MAN2A1: variants seen among roughly 807,000 people sequenced by gnomAD.
The protein encoded by MAN2A1 is alpha-mannosidase 2.
MAN2A1 carries 76 observed loss-of-function variants against 142.6 expected under a neutral mutation model. The observed-to-expected ratio is 0.53, with a 90% CI of 0.44 to 0.65. The LOEUF is 0.65. MAN2A1 is among the 30% of genes least tolerant of loss of function. The probability of loss-of-function intolerance (pLI) is 0.00; values close to 1 mark genes in which losing one functional copy is unlikely to be tolerated. For missense variants in MAN2A1, 1,311 were observed against 1,365.1 expected (o/e 0.96, Z 0.62); for synonymous variants, 559 against 473.2 (o/e 1.18, Z -2.35).
At chr5:109,704,210 A>G (rs951390799) in intron 1 of MAN2A1, among the ~76,000 whole-genome samples, 2 of 152,178 alleles carry the variant, frequency 1.3e-5, no homozygotes, top group African/African-American at 4.8e-5. Flanking sequence ...CTTCACAGTC[A>G]TTTGGCACTC....
chr5:109,832,529 T>C (rs916150893), intron 16 of MAN2A1, among the ~76,000 whole-genome samples: 2 of 152,300 alleles, frequency 1.3e-5, no homozygotes, highest in African/African-American at 4.8e-5. Context: ...GGCAGAAGAA[T>C]TTTTCTTAGT....
At chr5:109,741,344 C>G (rs1335661803) in intron 4 of MAN2A1, among the ~76,000 whole-genome samples, 1 of 152,108 alleles carries the variant, frequency 6.6e-6, no homozygotes, top group Admixed American at 6.5e-5. Flanking sequence ...CCCCCACTTA[C>G]TTGAACAAAA....
intron 16 of MAN2A1, among the ~76,000 whole-genome samples, chr5:109,841,009 T>C (rs1188865716): frequency 6.6e-6 from 1 of 152,234 alleles, no homozygotes; most frequent in African/African-American, 2.4e-5. Context: ...TCCTACCTTA[T>C]GCATTTTTCC....
At chr5:109,765,475 C>CT (rs1752965421) in intron 5 of MAN2A1, among the ~76,000 whole-genome samples, 1 of 152,122 alleles carries the variant, frequency 6.6e-6, no homozygotes, top group Non-Finnish European at 1.5e-5. Flanking sequence ...TGTGATGTCT[C>CT]TGTCCTAGTA....
intron 4 of MAN2A1, among the ~76,000 whole-genome samples, chr5:109,753,976 A>G (rs1479216900): frequency 1.3e-5 from 2 of 150,730 alleles, no homozygotes; most frequent in African/African-American, 4.9e-5. Flanking sequence ...TGGCGTAATC[A>G]TAGCTCACTG....
At chr5:109,712,571 T>C (rs1256272155) in intron 1 of MAN2A1, among the ~76,000 whole-genome samples, 1 of 152,170 alleles carries the variant, frequency 6.6e-6, no homozygotes, top group Non-Finnish European at 1.5e-5. Flanking sequence ...TTCCTGGTAA[T>C]GAGTATCCAG....
At position 109,759,960 on chromosome 5, in the gene MAN2A1, T is replaced by TAG. The variant is rs1377567482; in HGVS notation, c.835+4505_835+4506insGA. Among the ~76,000 whole-genome samples, 116 of 35,988 alleles carry TAG rather than the reference T, an allele frequency of 3.2e-3. 1 individual carries two copies. Among genetic ancestry groups the TAG allele is most frequent in the Non-Finnish European group, 4.0e-3 (77 of 19,180 alleles). The allele number at this position is 35,988 out of a possible 152,430, so 23.6% of individuals were successfully genotyped here. ...TTTGAATTGTTGCTATATATATATA[T>TAG]ATATAGATAGATAGATAGATAGATA... is the stretch of plus-strand genomic sequence containing the variant. On this transcript the variant is annotated intron_variant, in intron 5 of 21. Transcript: ENST00000261483.
chr5:109,784,456 T>C (rs1753544597), intron 9 of MAN2A1, among the ~76,000 whole-genome samples: 1 of 152,176 alleles, frequency 6.6e-6, no homozygotes, highest in African/African-American at 2.4e-5. Context: ...TATTCATAAA[T>C]AAGCCTGTCT....
chr5:109,827,373 T>G (rs1754784777), intron 16 of MAN2A1, among the ~76,000 whole-genome samples: 1 of 152,228 alleles, frequency 6.6e-6, no homozygotes, highest in Admixed American at 6.5e-5. Flanking sequence ...GACAAAATAT[T>G]CTTACATTTC....
In MAN2A1 at chr5:109,755,363, G is replaced by T; in HGVS notation, c.742G>T (p.Gly248Cys). The change falls in exon 5 of 22, where the codon GGT becomes TGT. Residue 248 changes from glycine (G) to cysteine (C), a missense_variant. By Grantham distance (159) the Gly-to-Cys change is radical. Around this residue, in one of 3 missense-constraint regions of MAN2A1, gnomAD observed 409 missense variants for 412.7 expected, o/e 0.99. Transcript: ENST00000261483. ...AAATGGTCAGCTTGAAATTGTGACAGGTGGCTGGGTTATGCCTGATGAAGC... is the reference window on the plus strand; with the variant it reads ...AAATGGTCAGCTTGAAATTGTGACATGTGGCTGGGTTATGCCTGATGAAGC... ...IENGQLEIVT[G>C]GWVMPDEATP... 6.2e-7 allele frequency: 1 copy of T among 1,612,622 alleles called. No individual in the cohort carries two copies.
In MAN2A1 at chr5:109,767,623, C is replaced by T. The variant is rs569577003; in HGVS notation, c.924C>T (p.His308=). The change falls in exon 6 of 22, where the codon CAC becomes CAT. Residue 308 remains histidine (H), a synonymous_variant. Transcript: ENST00000261483. ...TTCTAAACCGTGCTGGACTTTCTCA[C>T]ATGCTTATCCAGAGAGTTCATTATG... ...AYLLNRAGLS[H]MLIQRVHYAV... is the part of the protein sequence containing the mutation. The T allele has an allele frequency of 3.7e-6, 6 of 1,613,696 alleles. No individual in the cohort carries two copies. The East Asian group carries it at 1.3e-4, about 36-fold the overall frequency.
rs1372739927 is a variant in MAN2A1, at chr5:109,716,106, T to C, written c.391-14T>C. On this transcript the variant is annotated splice_polypyrimidine_tract_variant and intron_variant, in intron 2 of 21. Coordinates refer to ENST00000261483, the MANE Select transcript of MAN2A1 (RefSeq NM_002372.4). ...AATTGTTAAACTTTAATTTTTTTTC[T>C]TTTACATTTTTAGATGTTGGATGTT... is the stretch of plus-strand genomic sequence containing the variant. 1 of 1,569,232 alleles carries C rather than the reference T, an allele frequency of 6.4e-7. No homozygotes were observed. The highest frequency in any genetic ancestry group is 1.4e-5 in the African/African-American group (1 of 72,730).
chr5:109,845,221 A>G (rs754129580), intron 17 of MAN2A1, among the ~76,000 whole-genome samples: 62 of 152,154 alleles, frequency 4.1e-4, no homozygotes, highest in Non-Finnish European at 6.8e-4. Context: ...TGTGACCCAG[A>G]TGGGCTTTGG....
chr5:109,750,614 T>C (rs148952292), intron 4 of MAN2A1, among the ~76,000 whole-genome samples: 77 of 152,240 alleles, frequency 5.1e-4, no homozygotes, highest in African/African-American at 1.8e-3. Flanking sequence ...TATTATGATG[T>C]CATTTATATA....
intron 1 of MAN2A1, among the ~76,000 whole-genome samples, chr5:109,709,703 T>C (rs1751241968): frequency 6.6e-6 from 1 of 152,162 alleles, no homozygotes; most frequent in African/African-American, 2.4e-5. Flanking sequence ...TGATATGTGA[T>C]TTTTTGCTTG....
chr5:109,803,908 T>C (rs533371281), intron 12 of MAN2A1, among the ~76,000 whole-genome samples: 26 of 152,242 alleles, frequency 1.7e-4, no homozygotes, highest in African/African-American at 5.8e-4. Context: ...ATGATTTCTA[T>C]TGGGGTGGGA....
intron 5 of MAN2A1, among the ~76,000 whole-genome samples, chr5:109,755,817 A>G (rs1215808827): frequency 1.3e-5 from 2 of 151,940 alleles, no homozygotes; most frequent in Non-Finnish European, 2.9e-5. Context: ...TATGTCACTG[A>G]GTGTTCCAGA....
rs1053859545 is a variant in MAN2A1 at position 109,779,570 on chromosome 5, CACACACACACACAA to C, written c.1375-1816_1375-1803del. 1.1e-3 allele frequency among the ~76,000 whole-genome samples: 112 copies of C among 101,578 alleles called. 1 individual carries two copies. The highest frequency in any genetic ancestry group is 4.2e-3 in the African/African-American group (103 of 24,540). The allele number at this position is 101,578 out of a possible 152,430, so 66.6% of individuals were successfully genotyped here. A position where few individuals can be genotyped will look rare whatever the true frequency, so the allele number is the denominator to read the frequency against. ...GGTTACACACACACACGCGTGCACA[CACACACACACACAA>C]ACACACACAGTCTTCTTCCTAGTAA... On this transcript the variant is annotated intron_variant, in intron 8 of 21. Coordinates refer to ENST00000261483, the MANE Select transcript of MAN2A1 (RefSeq NM_002372.4).
At chr5:109,749,813 A>C (rs756782113) in intron 4 of MAN2A1, among the ~76,000 whole-genome samples, 1 of 152,062 alleles carries the variant, frequency 6.6e-6, no homozygotes, top group Admixed American at 6.6e-5. Context: ...AAATAGTTCA[A>C]TTGATACCTG....
Sources: gnomAD v4.1 joint callset for allele counts (sites outside exome capture counted in the v4.1 genomes callset) on GRCh38, gnomAD v4.1.1 for gene constraint, gnomAD v4.1.1 regional missense constraint, MANE v1.5 for transcripts, NCBI Gene and HGNC (gene_info 2026-07-23, HGNC 2026-07-21) for gene names.